The following FHOD3 variants were observed in gnomAD, a reference collection of about 807,000 sequenced individuals.
FHOD3 encodes the protein FH1/FH2 domain-containing protein 3.
Under a neutral mutation model 173.0 loss-of-function variants are expected in FHOD3, and 90 were observed. The observed-to-expected ratio is 0.52, with a 90% confidence interval of 0.44 to 0.62. The LOEUF is 0.62. Among genes scored for constraint, FHOD3 ranks in the 20% least tolerant of loss-of-function variants. FHOD3 has a pLI of 0.00. For missense variants in FHOD3, 1,945 were observed against 2,034.7 expected, an observed-to-expected ratio of 0.96 and a Z score of 0.85; for synonymous variants, 828 against 823.0, an observed-to-expected ratio of 1.01 and a Z score of -0.10.
chr18:36,336,292 C>T (rs555048540), intron 1 of FHOD3, among the ~76,000 whole-genome samples: 1 of 152,304 alleles, frequency 6.6e-6, no homozygotes, highest in Admixed American at 6.5e-5. Context: ...AAACGTGTCA[C>T]TGCCTGTGAC....
intron 18 of FHOD3, among the ~76,000 whole-genome samples, chr18:36,714,430 C>T (rs1413779079): frequency 6.6e-6 from 1 of 152,128 alleles, no homozygotes; most frequent in African/African-American, 2.4e-5. Context: ...CACAGCTACT[C>T]AGGAGGCTGA....
At chr18:36,635,616 T>G (rs2034826790) in intron 10 of FHOD3, among the ~76,000 whole-genome samples, 1 of 152,098 alleles carries the variant, frequency 6.6e-6, no homozygotes, top group South Asian at 2.1e-4. Context: ...GATTGCATGG[T>G]GACAAAGACA....
chr18:36,340,929 G>C (rs150946209), intron 1 of FHOD3, among the ~76,000 whole-genome samples: 1 of 152,122 alleles, frequency 6.6e-6, no homozygotes, highest in Non-Finnish European at 1.5e-5. Flanking sequence ...GAGCCACCGC[G>C]CCCGGCCAGT....
intron 20 of FHOD3, among the ~76,000 whole-genome samples, chr18:36,735,057 A>G (rs771171058): frequency 2.0e-5 from 3 of 152,220 alleles, no homozygotes; most frequent in East Asian, 1.9e-4. Context: ...ATGGCATCAA[A>G]TTATCATAAA....
At position 36,755,303 on chromosome 18, in the gene FHOD3, A is replaced by C. The variant is rs1335562647; in HGVS notation, c.4417A>C (p.Ile1473Leu). ...RERNKTRGKM[I>L]TDTDEEEEVE... is the part of the protein sequence containing the mutation. ...GAGAAATAAGACCAGAGGGAAGATG[A>C]TCACCGATGTAAGTTTCACACAATC... The change falls in exon 25 of 29, where the codon ATC becomes CTC. Residue 1473 changes from isoleucine to leucine, a missense_variant. Ile to Leu is a conservative substitution (Grantham distance 5). Transcript: ENST00000590592. 1.3e-6 allele frequency: 2 copies of C among 1,569,664 alleles called. No individual in the cohort carries two copies. The highest frequency in any genetic ancestry group is 1.7e-6 in the Non-Finnish European group (2 of 1,153,740).
intron 28 of FHOD3, among the ~76,000 whole-genome samples, chr18:36,777,198 C>CTTTTTTTT (rs11294880): frequency 5.2e-4 from 57 of 108,796 alleles, no homozygotes; most frequent in African/African-American, 7.5e-4. Context: ...TCTTCTTTTT[C>CTTTTTTTT]TTTTTTTTTT....
At chr18:36,365,329 A>G (rs1045674439) in intron 2 of FHOD3, among the ~76,000 whole-genome samples, 4 of 152,250 alleles carry the variant, frequency 2.6e-5, no homozygotes, top group African/African-American at 9.6e-5. Context: ...GTGAAAACAC[A>G]AGCCACAGAA....
At chr18:36,543,376 T>C (rs998915889) in intron 5 of FHOD3, among the ~76,000 whole-genome samples, 2 of 152,164 alleles carry the variant, frequency 1.3e-5, no homozygotes, top group African/African-American at 2.4e-5. Context: ...ACATTCCCCT[T>C]TCAGAGAGAT....
intron 14 of FHOD3, among the ~76,000 whole-genome samples, chr18:36,663,480 T>C (rs921501470): frequency 2.0e-5 from 3 of 152,240 alleles, no homozygotes; most frequent in Non-Finnish European, 2.9e-5. Context: ...AACTGTGTCA[T>C]GTGCTGCCAT....
chr18:36,633,597 GT>G (rs1290279733), intron 10 of FHOD3, among the ~76,000 whole-genome samples: 1 of 152,218 alleles, frequency 6.6e-6, no homozygotes, highest in African/African-American at 2.4e-5. Context: ...TAAGGAGCTT[GT>G]CCCCAGATTA....
intron 20 of FHOD3, among the ~76,000 whole-genome samples, chr18:36,732,882 GACTT>G (rs2041441973): frequency 6.6e-6 from 1 of 152,192 alleles, no homozygotes; most frequent in Admixed American, 6.5e-5. Context: ...ACGGATGAGA[GACTT>G]ACACTGACAT....
At chr18:36,612,562 T>C (rs2032796423) in intron 9 of FHOD3, among the ~76,000 whole-genome samples, 2 of 152,218 alleles carry the variant, frequency 1.3e-5, no homozygotes. Context: ...TTAAAGATAC[T>C]GAAACAACTC....
At position 36,627,903 on chromosome 18, in the gene FHOD3, A is replaced by G. The variant is rs532227498; in HGVS notation, c.1196+2154A>G. On this transcript the variant is annotated intron_variant, in intron 10 of 28. Coordinates refer to ENST00000590592, the MANE Select transcript of FHOD3 (RefSeq NM_001281740.3). ...GTCCCCTGCAGACCTTGAAAGACAC[A>G]GAAGCTGCCTCATGTACATATATGC... Among the ~76,000 whole-genome samples the G allele has an allele frequency of 2.6e-5, 4 of 152,358 alleles. No homozygotes were observed. In the South Asian group the frequency reaches 6.2e-4, roughly 24 times the overall value.
chr18:36,612,066 G>T lies in FHOD3; in HGVS notation c.928G>T (p.Asp310Tyr). 1 of 1,614,074 alleles carries T rather than the reference G, an allele frequency of 6.2e-7. No individual in the cohort carries two copies. Among genetic ancestry groups the T allele is most frequent in the Non-Finnish European group, 8.5e-7 (1 of 1,179,998 alleles). Residue 310 changes from aspartate (D) to tyrosine (Y), a missense_variant, in exon 9 of 29, where the codon GAC (aspartate) becomes TAC (tyrosine). Asp to Tyr is a radical substitution (Grantham distance 160). Coordinates refer to ENST00000590592, the MANE Select transcript of FHOD3 (RefSeq NM_001281740.3). The part of the protein sequence containing the change: ...RHLNKKGTDL[D>Y]LVEQLNIYEV... ...CTTGAACAAGAAAGGGACTGACCTG[G>T]ACTTAGTGGAGCAACTCAACATTTA... is the stretch of plus-strand genomic sequence containing the variant.
chr18:36,372,115 TGTG>T (rs1414702579), intron 2 of FHOD3, among the ~76,000 whole-genome samples: 1 of 152,186 alleles, frequency 6.6e-6, no homozygotes, highest in Non-Finnish European at 1.5e-5. Context: ...AGAGGTGAGA[TGTG>T]GTGTGGTGTA....
intron 3 of FHOD3, among the ~76,000 whole-genome samples, chr18:36,422,045 G>A (rs1308955652): frequency 2.0e-5 from 3 of 152,096 alleles, no homozygotes; most frequent in South Asian, 2.1e-4. Context: ...CATTCACATG[G>A]TTGCAACTTT....
At chr18:36,531,773 A>G (rs1218588772) in intron 5 of FHOD3, among the ~76,000 whole-genome samples, 1 of 152,148 alleles carries the variant, frequency 6.6e-6, no homozygotes, top group Admixed American at 6.5e-5. Flanking sequence ...CTCCTGTCCC[A>G]CGTCTTCCGC....
At chr18:36,601,727 C>T (rs1486433145) in intron 7 of FHOD3, among the ~76,000 whole-genome samples, 1 of 152,198 alleles carries the variant, frequency 6.6e-6, no homozygotes, top group East Asian at 1.9e-4. Flanking sequence ...ATAGAGAAAG[C>T]ACGAAAGAGC....
At chr18:36,554,936 A>G (rs11662073) in intron 5 of FHOD3, among the ~76,000 whole-genome samples, 2,492 of 152,256 alleles carry the variant, frequency 0.016, 32 homozygotes, top group Non-Finnish European at 0.024. Flanking sequence ...TGGTATATGT[A>G]ATTTGTTTCT....
Sources: allele counts gnomAD v4.1 joint callset (sites outside exome capture counted in the v4.1 genomes callset), GRCh38; gene constraint gnomAD v4.1.1; transcripts MANE v1.5; gene names NCBI Gene and HGNC (gene_info 2026-07-23, HGNC 2026-07-21).